Variants in AOPEP observed in about 807,000 individuals in gnomAD.
The protein encoded by AOPEP is aminopeptidase O (putative), also known as aminopeptidase O.
Under a neutral mutation model 98.1 loss-of-function variants are expected in AOPEP, and 77 were observed. The observed-to-expected ratio is 0.78, with a 90% confidence interval of 0.65 to 0.95. The LOEUF is 0.95. Among genes scored for constraint, AOPEP ranks in the 40% least tolerant of loss-of-function variants. The probability of loss-of-function intolerance (pLI) is 0.00; values close to 1 mark genes in which losing one functional copy is unlikely to be tolerated. For missense variants in AOPEP, 1,024 were observed against 1,024.7 expected (o/e 1.00, Z 0.01); for synonymous variants, 346 against 365.3 (o/e 0.95, Z 0.60).
chr9:94,817,639 A>G (rs969685641), intron 5 of AOPEP, among the ~76,000 whole-genome samples: 2 of 152,218 alleles, frequency 1.3e-5, no homozygotes, highest in Non-Finnish European at 2.9e-5. Flanking sequence ...AAGCATGCCA[A>G]TATCCATCCG....
the AOPEP span, among the ~76,000 whole-genome samples, chr9:95,131,796 C>G: frequency 6.6e-6 from 1 of 152,222 alleles, no homozygotes; most frequent in African/African-American, 2.4e-5. Flanking sequence ...AGAGTGAACT[C>G]TTCAGCACAA....
chr9:94,843,856 C>T (rs1234310262), intron 5 of AOPEP, among the ~76,000 whole-genome samples: 1 of 152,158 alleles, frequency 6.6e-6, no homozygotes, highest in Non-Finnish European at 1.5e-5. Context: ...CCCATCATCT[C>T]ATGTATGCCT....
chr9:94,839,263 T>A (rs1034305961), intron 5 of AOPEP, among the ~76,000 whole-genome samples: 4 of 151,602 alleles, frequency 2.6e-5, no homozygotes, highest in African/African-American at 9.7e-5. Flanking sequence ...TTTTTTGTAT[T>A]TTTTTTTGGT....
intron 5 of AOPEP, among the ~76,000 whole-genome samples, chr9:94,812,140 G>T (rs1335229610): frequency 1.3e-5 from 2 of 152,156 alleles, no homozygotes; most frequent in Non-Finnish European, 2.9e-5. Flanking sequence ...GAGGGAAAGG[G>T]TGCTTGTTCT....
intron 13 of AOPEP, among the ~76,000 whole-genome samples, chr9:95,043,280 G>GTACAGATACATCTGTATATGCACATA (rs2065523171): frequency 4.0e-5 from 1 of 25,160 alleles, no homozygotes; most frequent in Non-Finnish European, 1.8e-4. Flanking sequence ...CTGTATATAT[G>GTACAGATACATCTGTATATGCACATA]TACAGATACA....
intron 1 of AOPEP, among the ~76,000 whole-genome samples, chr9:94,757,081 AC>A (rs1287117070): frequency 1.3e-5 from 2 of 152,108 alleles, no homozygotes; most frequent in African/African-American, 2.4e-5. Context: ...CTCTCTCAAA[AC>A]CCCAGAAGTT....
chr9:94,819,229 C>T (rs112387140), intron 5 of AOPEP, among the ~76,000 whole-genome samples: 32 of 152,302 alleles, frequency 2.1e-4, no homozygotes, highest in African/African-American at 7.0e-4. Flanking sequence ...TGTCTCTGAT[C>T]TGTTCTCAGT....
intron 5 of AOPEP, among the ~76,000 whole-genome samples, chr9:94,887,812 T>A (rs2048405930): frequency 1.4e-5 from 2 of 142,830 alleles, no homozygotes; most frequent in South Asian, 4.6e-4. Flanking sequence ...CAAATTAGGC[T>A]TTTTTTTTCT....
intron 7 of AOPEP, chr9:94,933,104 A>C: frequency 2.0e-6 from 2 of 985,692 alleles, no homozygotes; most frequent in South Asian, 9.4e-5. Context: ...GCAAAGTCTG[A>C]TTTCAGTGTT....
At chr9:95,119,653 C>T in the AOPEP span, among the ~76,000 whole-genome samples, 4 of 152,010 alleles carry the variant, frequency 2.6e-5, no homozygotes, top group South Asian at 2.1e-4. Flanking sequence ...CATGAGCCAC[C>T]GTGCCTGGCC....
chr9:95,070,614 T>C (rs937538152), intron 14 of AOPEP, among the ~76,000 whole-genome samples: 6 of 152,278 alleles, frequency 3.9e-5, no homozygotes, highest in African/African-American at 1.2e-4. Flanking sequence ...GCATGTACTA[T>C]GTGCTGGGCA....
At chr9:95,149,272 A>T in the AOPEP span, among the ~76,000 whole-genome samples, 1 of 152,126 alleles carries the variant, frequency 6.6e-6, no homozygotes, top group African/African-American at 2.4e-5. Context: ...AGGAAACAAT[A>T]GTCGCTGGGG....
At chr9:95,019,540 C>A (rs2063292862) in intron 13 of AOPEP, 1 of 152,204 alleles carries the variant, frequency 6.6e-6, no homozygotes, top group Non-Finnish European at 1.5e-5. Context: ...TGTGCATCAT[C>A]ACATTGAAGT....
intron 16 of AOPEP, chr9:95,085,391 C>G (rs2070508389): frequency 3.9e-6 from 2 of 509,110 alleles, no homozygotes; most frequent in Non-Finnish European, 8.2e-6. Flanking sequence ...AAAGAAGCCA[C>G]CAGCTGAGGA....
intron 5 of AOPEP, among the ~76,000 whole-genome samples, chr9:94,819,280 C>T (rs995362224): frequency 4.3e-4 from 66 of 152,212 alleles, no homozygotes; most frequent in African/African-American, 1.5e-3. Context: ...GAAAGGACTG[C>T]GTGATGGAAA....
intron 5 of AOPEP, among the ~76,000 whole-genome samples, chr9:94,889,571 T>G (rs745650406): frequency 1.1e-4 from 17 of 151,926 alleles, no homozygotes; most frequent in Non-Finnish European, 2.4e-4. Context: ...CACTGCAGCC[T>G]CGACCTCCTG....
intron 7 of AOPEP, among the ~76,000 whole-genome samples, chr9:94,942,960 C>T (rs1404600701): frequency 6.9e-6 from 1 of 144,996 alleles, no homozygotes; most frequent in Non-Finnish European, 1.5e-5. Context: ...TAATAAGGTA[C>T]TGATTCAAAA....
intron 9 of AOPEP, among the ~76,000 whole-genome samples, chr9:94,960,080 C>T (rs1210705993): frequency 6.6e-6 from 1 of 152,072 alleles, no homozygotes; most frequent in Admixed American, 6.5e-5. Flanking sequence ...CCTATATATT[C>T]CATTTGTAGA....
At chr9:95,135,633 A>C in the AOPEP span, 12 of 727,086 alleles carry the variant, frequency 1.7e-5, no homozygotes, top group Admixed American at 5.1e-5. Flanking sequence ...AGTGGCTAAT[A>C]ATTTATAGAA....
Sources: allele counts gnomAD v4.1 joint callset (sites outside exome capture counted in the v4.1 genomes callset), GRCh38; gene constraint gnomAD v4.1.1; transcripts MANE v1.5; gene names NCBI Gene and HGNC (gene_info 2026-07-23, HGNC 2026-07-21).